FAAH2: variants seen among roughly 807,000 people sequenced by gnomAD.
The protein encoded by FAAH2 is fatty-acid amide hydrolase 2.
A neutral mutation model predicts 36.9 loss-of-function variants in FAAH2; 60 were observed. The ratio of observed to expected loss-of-function variants is 1.63; its 90% CI spans 1.32 to 2.02. The LOEUF is 2.02. Ranked by LOEUF, FAAH2 falls within the 30% of genes most tolerant of loss-of-function variation. The pLI is 0.00. For missense variants in FAAH2, 689 were observed against 397.5 expected, an observed-to-expected ratio of 1.73 and a Z score of -6.23; for synonymous variants, 214 against 143.8, an observed-to-expected ratio of 1.49 and a Z score of -3.49.
intron 2 of FAAH2, 148 bp downstream of exon 2, chrX:57,292,728 G>A: frequency 2.3e-6 from 1 of 427,958 alleles, no homozygotes; most frequent in Non-Finnish European, 3.9e-6. Flanking sequence ...TCTAATTTCA[G>A]TATTTTGTCC....
At chrX:57,322,282 A>G (rs963967064) in intron 3 of FAAH2, among the ~76,000 whole-genome samples, 1 of 111,318 alleles carries the variant, frequency 9.0e-6, no homozygotes, top group Non-Finnish European at 1.9e-5. Flanking sequence ...GAGCCACCGC[A>G]CCCGGCCTGC....
Position 57,431,967 on chromosome X carries a change from A to C in FAAH2, c.1046A>C (p.Lys349Thr). ...CTAGGAGCCTCAGTTCAACATGTTAAACTGAAGAAAATGAAGTACTCTTTT... is the reference window on the plus strand; with the variant it reads ...CTAGGAGCCTCAGTTCAACATGTTACACTGAAGAAAATGAAGTACTCTTTT... The part of the protein sequence containing the change: ...TILGASVQHV[K>T]LKKMKYSFQL... Residue 349 changes from lysine (K) to threonine (T), a missense_variant, in exon 8 of 11, where the codon AAA becomes ACA. Coordinates refer to ENST00000374900, the MANE Select transcript of FAAH2 (RefSeq NM_174912.4). The C allele has an allele frequency of 8.3e-7, 1 of 1,205,644 alleles. No individual in the cohort carries two copies. The highest frequency in any genetic ancestry group is 2.2e-5 in the Admixed American group (1 of 45,618).
At chrX:57,459,928 A>T (rs2056928981) in intron 10 of FAAH2, among the ~76,000 whole-genome samples, 1 of 111,504 alleles carries the variant, frequency 9.0e-6, no homozygotes, top group African/African-American at 3.3e-5. Flanking sequence ...AAAAACAAGA[A>T]TGCCTCTTCT....
the FAAH2 span, among the ~76,000 whole-genome samples, chrX:57,130,175 A>G: frequency 8.9e-6 from 1 of 112,295 alleles, no homozygotes; most frequent in Non-Finnish European, 1.9e-5. Context: ...GATCTAGCGC[A>G]TGCAGAATAA....
the FAAH2 span, among the ~76,000 whole-genome samples, chrX:57,225,850 C>T: frequency 2.6e-4 from 29 of 111,830 alleles, no homozygotes; most frequent in African/African-American, 8.1e-4. Context: ...TAAGATTATG[C>T]GGTTTTCCTG....
intron 10 of FAAH2, among the ~76,000 whole-genome samples, chrX:57,466,156 CTA>C (rs1163626331): frequency 0.016 from 1,055 of 66,371 alleles, 14 homozygotes; most frequent in African/African-American, 0.025. Context: ...CTCTCTCTCT[CTA>C]TATATATATA....
chrX:57,350,257 G>T (rs756821571), intron 5 of FAAH2, among the ~76,000 whole-genome samples: 1 of 110,876 alleles, frequency 9.0e-6, no homozygotes, highest in East Asian at 2.8e-4. Flanking sequence ...TGCTCAAGAA[G>T]TCCTAAACAT....
the FAAH2 span, among the ~76,000 whole-genome samples, chrX:57,198,055 G>C: frequency 8.9e-6 from 1 of 111,752 alleles, no homozygotes; most frequent in Non-Finnish European, 1.9e-5. Flanking sequence ...CAGTAGTATA[G>C]GAAAAATACA....
the FAAH2 span, among the ~76,000 whole-genome samples, chrX:57,225,367 T>A: frequency 1.8e-5 from 2 of 112,128 alleles, no homozygotes; most frequent in African/African-American, 3.2e-5. Flanking sequence ...TTGAAGAATT[T>A]TAAAATTTTC....
intron 3 of FAAH2, among the ~76,000 whole-genome samples, chrX:57,323,075 C>T (rs775536865): frequency 2.7e-5 from 3 of 110,993 alleles, no homozygotes; most frequent in Non-Finnish European, 3.8e-5. Context: ...TGAGTAAGAA[C>T]ATGCGGTGTT....
At chrX:57,446,585 G>A (rs1037384963) in intron 8 of FAAH2, among the ~76,000 whole-genome samples, 3 of 111,660 alleles carry the variant, frequency 2.7e-5, no homozygotes, top group African/African-American at 9.8e-5. Flanking sequence ...CAACCCACTC[G>A]CACCTCCATA....
chrX:57,341,735 C>G (rs764788417), intron 5 of FAAH2, among the ~76,000 whole-genome samples: 2 of 110,274 alleles, frequency 1.8e-5, no homozygotes, highest in African/African-American at 3.3e-5. Flanking sequence ...TGCTAGGATT[C>G]AAACCTACTT....
intron 7 of FAAH2, among the ~76,000 whole-genome samples, chrX:57,426,109 G>T (rs2056155900): frequency 9.0e-6 from 1 of 111,626 alleles, no homozygotes. Flanking sequence ...GAATGAGATA[G>T]AAATAATCCC....
At chrX:57,239,641 C>T in the FAAH2 span, among the ~76,000 whole-genome samples, 1 of 110,896 alleles carries the variant, frequency 9.0e-6, no homozygotes, top group Non-Finnish European at 1.9e-5. Flanking sequence ...TTCCAAGTTG[C>T]TTTTTGTCTC....
chrX:57,330,275 G>C (rs1209917435), intron 3 of FAAH2, among the ~76,000 whole-genome samples: 2 of 111,465 alleles, frequency 1.8e-5, no homozygotes, highest in African/African-American at 6.5e-5. Context: ...GCGCCCCAAG[G>C]GTGGGTCTCT....
intron 8 of FAAH2, among the ~76,000 whole-genome samples, chrX:57,440,357 G>A (rs1476878173): frequency 1.8e-5 from 2 of 111,126 alleles, no homozygotes; most frequent in Non-Finnish European, 3.8e-5. Context: ...TATTCTCTTT[G>A]AAACAATTGT....
the FAAH2 span, among the ~76,000 whole-genome samples, chrX:57,125,092 C>T: frequency 1.2e-4 from 13 of 112,503 alleles, no homozygotes; most frequent in East Asian, 1.1e-3. Flanking sequence ...CAGTTTTCAA[C>T]GGGAATGCTT....
the FAAH2 span, among the ~76,000 whole-genome samples, chrX:57,211,683 C>T: frequency 2.7e-5 from 3 of 111,928 alleles, no homozygotes; most frequent in Non-Finnish European, 3.8e-5. Context: ...ATGAGACAAG[C>T]TTTGCATGAC....
intron 3 of FAAH2, among the ~76,000 whole-genome samples, chrX:57,329,951 G>A (rs1461878150): frequency 1.8e-5 from 2 of 111,844 alleles, no homozygotes; most frequent in Non-Finnish European, 3.8e-5. Flanking sequence ...GATTTCCTAT[G>A]CCTGTCTTTA....
Sources: gnomAD v4.1 joint callset for allele counts (sites outside exome capture counted in the v4.1 genomes callset) on GRCh38, gnomAD v4.1.1 for gene constraint, MANE v1.5 for transcripts, NCBI Gene and HGNC (gene_info 2026-07-23, HGNC 2026-07-21) for gene names.